The following DST variants were observed in gnomAD, a reference collection of about 807,000 sequenced individuals.
The protein encoded by DST is dystonin.
Under a neutral mutation model 875.2 loss-of-function variants are expected in DST, and 253 were observed. That is an observed-to-expected ratio of 0.29 (90% CI 0.26 to 0.32). The LOEUF is 0.32. DST is among the 10% of genes least tolerant of loss of function. The pLI, the probability that DST is intolerant of heterozygous loss-of-function variation, is 1.00. For synonymous variants in DST, 3,124 were observed against 3,197.1 expected (o/e 0.98, Z 0.77); for missense variants, 8,287 against 9,111.6 (o/e 0.91, Z 3.68).
At chr6:56,482,368 A>G (rs2095431033) in intron 89 of DST, 190 bp from the exon 90 acceptor site, 1 of 702,492 alleles carries the variant, frequency 1.4e-6, no homozygotes, top group African/African-American at 1.8e-5. Context: ...ATATATTAAA[A>G]AAAAAGCCTA....
At position 56,503,986 on chromosome 6, in the gene DST, C is replaced by A; in HGVS notation, c.19566+11G>T. On this transcript the variant is annotated intron_variant, in intron 78 of 103. Transcript: ENST00000680361. ...CAAGGGAGTCTTCGATAAATTAGCCCCCACACATACCTTTAGCTCTTCAAT... is the reference window on the plus strand; with the variant it reads ...CAAGGGAGTCTTCGATAAATTAGCCACCACACATACCTTTAGCTCTTCAAT... The A allele has an allele frequency of 6.3e-7, 1 of 1,586,584 alleles. No homozygotes were observed.
intron 4 of DST, chr6:56,851,039 T>TC: frequency 4.1e-6 from 1 of 242,208 alleles, no homozygotes. Flanking sequence ...GCTGCTCACT[T>TC]CCAGCTTCCC....
chr6:56,923,488 A>AT, intron 2 of DST, among the ~76,000 whole-genome samples: 1 of 150,316 alleles, frequency 6.7e-6, no homozygotes, highest in Admixed American at 6.6e-5. Flanking sequence ...AAAAAAAAAA[A>AT]TCCTGATGTA....
At chr6:56,792,236 C>T (rs1410075982) in intron 4 of DST, among the ~76,000 whole-genome samples, 2 of 151,804 alleles carry the variant, frequency 1.3e-5, no homozygotes, top group African/African-American at 4.8e-5. Context: ...AGGGAAAGCT[C>T]TTCTTTGTGG....
At chr6:56,946,759 A>T (rs528257574) in intron 2 of DST, among the ~76,000 whole-genome samples, 3 of 152,328 alleles carry the variant, frequency 2.0e-5, no homozygotes, top group Admixed American at 6.5e-5. Flanking sequence ...CACTGGCTGA[A>T]GGTAAGGGAG....
rs2097342107 is a variant in DST at position 56,552,576 on chromosome 6, C to T, written c.16216G>A (p.Asp5406Asn). ...SQFAEFDDEL[D>N]SMAPVGRDAE... ...TCTCTCCCCACTGGAGCCATGCTATCCAGTTCATCATCAAACTCTGCGAAC... is the reference window on the plus strand; with the variant it reads ...TCTCTCCCCACTGGAGCCATGCTATTCAGTTCATCATCAAACTCTGCGAAC... Residue 5406 changes from aspartate to asparagine, a missense_variant, in exon 61 of 104, where the codon GAT becomes AAT. Physicochemically the swap from Asp to Asn is conservative, Grantham distance 23. This residue lies in a region of DST where 1,513 missense variants were observed against 1,677.8 expected (regional missense o/e 0.90). Transcript: ENST00000680361. The T allele has an allele frequency of 2.5e-6, 4 of 1,613,874 alleles. No individual in the cohort carries two copies. The South Asian group carries it at 4.4e-5, about 18-fold the overall frequency.
intron 4 of DST, among the ~76,000 whole-genome samples, chr6:56,776,790 T>A (rs577582217): frequency 9.2e-5 from 14 of 152,306 alleles, no homozygotes; most frequent in African/African-American, 3.4e-4. Flanking sequence ...TTTCAAAATA[T>A]TTTTTAAAAA....
At chr6:56,784,435 T>G (rs1309362327) in intron 4 of DST, among the ~76,000 whole-genome samples, 2 of 152,196 alleles carry the variant, frequency 1.3e-5, no homozygotes, top group Non-Finnish European at 2.9e-5. Flanking sequence ...TTTTTATTCT[T>G]TTTTCTCTAA....
chr6:56,888,792 G>A (rs904652598), intron 3 of DST, among the ~76,000 whole-genome samples: 2 of 152,172 alleles, frequency 1.3e-5, no homozygotes, highest in Middle Eastern at 3.4e-3. Context: ...AACCTAAGCT[G>A]TAATCAGAAA....
At chr6:56,547,895 G>A (rs1260189917) in intron 61 of DST, among the ~76,000 whole-genome samples, 2 of 152,070 alleles carry the variant, frequency 1.3e-5, no homozygotes, top group Non-Finnish European at 2.9e-5. Flanking sequence ...TTTCAACTTG[G>A]CTTAAAAATC....
chr6:56,635,780 C>T (rs1049070645), intron 23 of DST, 66 bp from the exon 24 acceptor site: 81 of 1,561,472 alleles, frequency 5.2e-5, no homozygotes, highest in Non-Finnish European at 6.7e-5. Flanking sequence ...AGTTGTCACA[C>T]TCCAATACCA....
chr6:56,650,879 G>C, intron 12 of DST, 47 bp downstream of exon 12: 3 of 1,178,086 alleles, frequency 2.5e-6, no homozygotes, highest in Non-Finnish European at 1.2e-6. Context: ...CAGTCAATTG[G>C]TCATTACTGA....
intron 2 of DST, among the ~76,000 whole-genome samples, chr6:56,929,576 T>C (rs1009271074): frequency 2.0e-5 from 3 of 152,010 alleles, no homozygotes; most frequent in African/African-American, 7.3e-5. Flanking sequence ...GATTTCCTCT[T>C]CCAGAAATAA....
At chr6:56,678,968 A>C (rs2152839393) in intron 9 of DST, among the ~76,000 whole-genome samples, 1 of 152,282 alleles carries the variant, frequency 6.6e-6, no homozygotes, top group Admixed American at 6.5e-5. Flanking sequence ...ATGGAATTCA[A>C]AGCTGCCTCT....
At chr6:56,821,564 A>G (rs569624527) in intron 4 of DST, among the ~76,000 whole-genome samples, 2 of 152,350 alleles carry the variant, frequency 1.3e-5, no homozygotes, top group Admixed American at 1.3e-4. Flanking sequence ...TATGAGCTGA[A>G]TATCTCTGAA....
At chr6:56,658,715 A>G (rs1231950533) in intron 10 of DST, among the ~76,000 whole-genome samples, 6 of 152,140 alleles carry the variant, frequency 3.9e-5, no homozygotes, top group African/African-American at 1.2e-4. Context: ...TTATTCATTC[A>G]CTCAATATTT....
Position 56,532,496 on chromosome 6 carries a change from C to A in DST, c.16956G>T (p.Leu5652Phe), listed in dbSNP as rs371645175. Residue 5652 changes from leucine to phenylalanine, a missense_variant, in exon 64 of 104, where the codon TTG (leucine) becomes TTT (phenylalanine). Coordinates refer to ENST00000680361, the MANE Select transcript of DST (RefSeq NM_001374736.1). ...QIQEQKLLQR[L>F]LDDRKSTVEV... is the part of the protein sequence containing the mutation. ...CCACCGTAGATTTTCGGTCATCCAA[C>A]AATCTCTGGAGAAGCTTGAGACAAA... 6.3e-6 allele frequency: 10 copies of A among 1,599,852 alleles called. No homozygotes were observed. In the African/African-American group the frequency reaches 8.0e-5, roughly 13 times the overall value.
At chr6:56,728,904 A>G (rs2099483717) in intron 5 of DST, among the ~76,000 whole-genome samples, 1 of 151,876 alleles carries the variant, frequency 6.6e-6, no homozygotes. Flanking sequence ...GGAAATACAT[A>G]CTGAAGTATT....
At chr6:56,609,441 T>C in intron 39 of DST, 97 bp from the exon 40 acceptor site, 1 of 874,266 alleles carries the variant, frequency 1.1e-6, no homozygotes, top group South Asian at 1.7e-5. Flanking sequence ...ATAATACATT[T>C]CAACATAAAA....
Sources: gnomAD v4.1 joint callset for allele counts (sites outside exome capture counted in the v4.1 genomes callset) on GRCh38, gnomAD v4.1.1 for gene constraint, gnomAD v4.1.1 regional missense constraint, MANE v1.5 for transcripts, NCBI Gene and HGNC (gene_info 2026-07-23, HGNC 2026-07-21) for gene names.